Variants in CFAP54 observed in about 807,000 individuals in gnomAD.
The protein encoded by CFAP54 is cilia- and flagella-associated protein 54.
CFAP54 carries 290 observed loss-of-function variants against 370.4 expected under a neutral mutation model. The ratio of observed to expected loss-of-function variants is 0.78; its 90% confidence interval spans 0.71 to 0.86. The LOEUF is 0.86. Ranked by LOEUF, CFAP54 falls within the 40% of genes least tolerant of loss-of-function variation. The probability of loss-of-function intolerance (pLI) is 0.00; values close to 1 mark genes in which losing one functional copy is unlikely to be tolerated. For missense variants in CFAP54, 3,399 were observed against 3,528.7 expected, an observed-to-expected ratio of 0.96 and a Z score of 0.93; for synonymous variants, 1,206 against 1,236.5, an observed-to-expected ratio of 0.98 and a Z score of 0.52.
At position 96,740,038 on chromosome 12, in the gene CFAP54, A is replaced by G. The variant is rs763067332; in HGVS notation, c.7048A>G (p.Asn2350Asp). ...EKKVVQDDTENPVSPGTSVTE... is the reference protein window; with the variant it reads ...EKKVVQDDTEDPVSPGTSVTE... ...GAAGGTAGTACAGGATGACACAGAGAATCCTGTCTCTCCAGGAACTTCTGT... is the reference window on the plus strand; with the variant it reads ...GAAGGTAGTACAGGATGACACAGAGGATCCTGTCTCTCCAGGAACTTCTGT... The change falls in exon 51 of 68, where the codon AAT (asparagine) becomes GAT (aspartate). Residue 2350 changes from asparagine (N) to aspartate (D), a missense_variant. Around this residue, in one of 3 missense-constraint regions of CFAP54, gnomAD observed 2,796 missense variants for 2,869.7 expected, o/e 0.97. Coordinates refer to ENST00000524981, the MANE Select transcript of CFAP54 (RefSeq NM_001306084.2). 3 of 1,598,362 alleles carry G rather than the reference A, an allele frequency of 1.9e-6. No individual in the cohort carries two copies. Among genetic ancestry groups the G allele is most frequent in the Non-Finnish European group, 1.7e-6 (2 of 1,167,826 alleles).
At chr12:96,822,180 A>G (rs958117112) in intron 65 of CFAP54, among the ~76,000 whole-genome samples, 1 of 152,182 alleles carries the variant, frequency 6.6e-6, no homozygotes, top group East Asian at 1.9e-4. Flanking sequence ...TGGCTGAGTT[A>G]TTTTAATCTG....
chr12:96,589,707 G>T, intron 23 of CFAP54, 144 bp downstream of exon 23: 1 of 596,254 alleles, frequency 1.7e-6, no homozygotes, highest in Non-Finnish European at 2.9e-6. Flanking sequence ...ATAAGAGTAT[G>T]CATTGCAAGG....
At chr12:96,709,282 C>A (rs780508470) in intron 48 of CFAP54, among the ~76,000 whole-genome samples, 10 of 152,220 alleles carry the variant, frequency 6.6e-5, no homozygotes, top group Non-Finnish European at 1.2e-4. Flanking sequence ...TACCTCCACT[C>A]GTGCACATGC....
intron 48 of CFAP54, among the ~76,000 whole-genome samples, chr12:96,713,374 C>A (rs993357756): frequency 6.6e-6 from 1 of 151,810 alleles, no homozygotes; most frequent in African/African-American, 2.4e-5. Context: ...GAACTCCTGT[C>A]ATTTGTAGCA....
intron 66 of CFAP54, among the ~76,000 whole-genome samples, chr12:96,844,278 A>C (rs896724505): frequency 4.0e-5 from 6 of 151,818 alleles, no homozygotes; most frequent in Non-Finnish European, 7.4e-5. Context: ...TCCTTATGAG[A>C]GGGAGCTAGA....
rs114685540 is a variant in CFAP54, at chr12:96,825,049, C to T, written c.9097-3965C>T. On this transcript the variant is annotated intron_variant, in intron 65 of 67. Coordinates refer to ENST00000524981, the MANE Select transcript of CFAP54 (RefSeq NM_001306084.2). ...TATGTGTGACTCCCCCCACCCTACGCGCCCCACAATGCCCTGGTCCCCAAT... is the reference window on the plus strand; with the variant it reads ...TATGTGTGACTCCCCCCACCCTACGTGCCCCACAATGCCCTGGTCCCCAAT... Among the ~76,000 whole-genome samples, 430 of 150,864 alleles carry T rather than the reference C, an allele frequency of 2.9e-3. 1 individual carries two copies. Among genetic ancestry groups the T allele is most frequent in the Middle Eastern group, 6.9e-3 (2 of 290 alleles).
intron 19 of CFAP54, among the ~76,000 whole-genome samples, chr12:96,574,689 CT>C (rs1955957846): frequency 1.3e-5 from 2 of 151,994 alleles, no homozygotes; most frequent in African/African-American, 4.8e-5. Context: ...TAATGTTAAA[CT>C]GTCCTTGCAT....
At chr12:96,709,101 G>A (rs1430767236) in intron 48 of CFAP54, among the ~76,000 whole-genome samples, 1 of 152,084 alleles carries the variant, frequency 6.6e-6, no homozygotes, top group Non-Finnish European at 1.5e-5. Flanking sequence ...TCTGCATCTG[G>A]TATTTCCCAT....
chr12:96,515,197 T>TG (rs1955217119), intron 5 of CFAP54, among the ~76,000 whole-genome samples: 1 of 151,810 alleles, frequency 6.6e-6, no homozygotes, highest in South Asian at 2.1e-4. Flanking sequence ...TTAGTAGAGA[T>TG]GGGGTTTCAT....
intron 33 of CFAP54, among the ~76,000 whole-genome samples, chr12:96,644,828 A>G (rs2136493143): frequency 6.6e-6 from 1 of 152,288 alleles, no homozygotes; most frequent in African/African-American, 2.4e-5. Context: ...TGCCCTTGAC[A>G]CGTGGGGATT....
intron 22 of CFAP54, among the ~76,000 whole-genome samples, chr12:96,582,262 G>T (rs899522429): frequency 6.6e-6 from 1 of 152,092 alleles, no homozygotes; most frequent in Non-Finnish European, 1.5e-5. Flanking sequence ...GTTTTTTGTC[G>T]AAATAGTTGT....
intron 58 of CFAP54, among the ~76,000 whole-genome samples, chr12:96,760,843 T>C (rs1275092993): frequency 6.6e-6 from 1 of 152,252 alleles, no homozygotes; most frequent in Non-Finnish European, 1.5e-5. Flanking sequence ...ATGCCACTTT[T>C]TTTTTCTTTA....
chr12:96,805,931 G>C (rs1347778882), intron 63 of CFAP54, among the ~76,000 whole-genome samples: 1 of 151,144 alleles, frequency 6.6e-6, no homozygotes, highest in African/African-American at 2.4e-5. Context: ...TGTAACTGGA[G>C]GCCATTATCC....
intron 63 of CFAP54, among the ~76,000 whole-genome samples, chr12:96,801,710 A>G (rs2136713240): frequency 6.6e-6 from 1 of 152,322 alleles, no homozygotes; most frequent in East Asian, 1.9e-4. Context: ...AATTATGTTT[A>G]TAACTTGGGA....
At chr12:96,640,924 T>C (rs1309387926) in intron 32 of CFAP54, among the ~76,000 whole-genome samples, 1 of 151,854 alleles carries the variant, frequency 6.6e-6, no homozygotes, top group East Asian at 1.9e-4. Context: ...CAAAAATTAA[T>C]TCAAGATGGA....
chr12:96,523,092 A>G (rs1178188460), intron 8 of CFAP54, among the ~76,000 whole-genome samples: 1 of 152,022 alleles, frequency 6.6e-6, no homozygotes, highest in Admixed American at 6.6e-5. Context: ...GCTCTCCCTG[A>G]CTGTTCTAGA....
chr12:96,755,727 G>C (rs1403150814), intron 56 of CFAP54, among the ~76,000 whole-genome samples: 1 of 149,712 alleles, frequency 6.7e-6, no homozygotes, highest in Non-Finnish European at 1.5e-5. Flanking sequence ...GAGTGCAGTG[G>C]TGTGATCTCG....
rs779992829 is a variant in CFAP54, at chr12:96,837,493, A to AATAG, written c.9171+8405_9171+8406insATAG. 5.9e-3 allele frequency among the ~76,000 whole-genome samples: 905 copies of AATAG among 152,334 alleles called. 3 individuals are homozygous for AATAG. The highest frequency in any genetic ancestry group is 9.5e-3 in the Non-Finnish European group (646 of 68,030). ...TACTTAATAGTTTTTATCAAAATAA[A>AATAG]TGTGTTATTATGATGTGCTTGCATA... On this transcript the variant is annotated intron_variant, in intron 66 of 67. Transcript: ENST00000524981.
At chr12:96,737,108 G>C (rs1370730980) in intron 50 of CFAP54, among the ~76,000 whole-genome samples, 2 of 152,130 alleles carry the variant, frequency 1.3e-5, no homozygotes, top group African/African-American at 4.8e-5. Context: ...ATTTTTGGGG[G>C]GAGTTTGGAA....
Sources: allele counts gnomAD v4.1 joint callset (sites outside exome capture counted in the v4.1 genomes callset), GRCh38; gene constraint gnomAD v4.1.1; regional missense constraint gnomAD v4.1.1; transcripts MANE v1.5; gene names NCBI Gene and HGNC (gene_info 2026-07-23, HGNC 2026-07-21).